Variants in WDR88 observed in about 807,000 individuals in gnomAD.
WDR88 encodes WD repeat-containing protein 88.
WDR88 carries 40 observed loss-of-function variants against 46.8 expected under a neutral mutation model. That is an observed-to-expected ratio of 0.86 (90% CI 0.66 to 1.11). WDR88 has a LOEUF of 1.11. Ranked by LOEUF, WDR88 falls within the 50% of genes most tolerant of loss-of-function variation. The pLI, the probability that WDR88 is intolerant of heterozygous loss-of-function variation, is 0.00. For missense variants in WDR88, 562 were observed against 602.4 expected, an observed-to-expected ratio of 0.93 and a Z score of 0.70; for synonymous variants, 235 against 240.7, an observed-to-expected ratio of 0.98 and a Z score of 0.22.
intron 6 of WDR88, 108 bp from the exon 7 acceptor site, chr19:33,156,247 G>A (rs1047671166): frequency 2.5e-6 from 3 of 1,179,942 alleles, no homozygotes; most frequent in Admixed American, 2.2e-5. Flanking sequence ...GCTAGCATGT[G>A]CAGCCCGACC....
At chr19:33,133,806 C>T (rs1157520033) in intron 1 of WDR88, among the ~76,000 whole-genome samples, 4 of 152,200 alleles carry the variant, frequency 2.6e-5, no homozygotes, top group Non-Finnish European at 5.9e-5. Context: ...TTCCCTGCCC[C>T]CACGGTATTG....
At chr19:33,155,364 A>G (rs1291304880) in intron 6 of WDR88, among the ~76,000 whole-genome samples, 3 of 152,124 alleles carry the variant, frequency 2.0e-5, no homozygotes, top group African/African-American at 4.8e-5. Flanking sequence ...TGGTGTCAAA[A>G]TCCTGGGCTC....
Position 33,175,512 on chromosome 19 carries a change from GTCA to G in WDR88, c.1371_1373del (p.Ser458del), listed in dbSNP as rs749556824. ...GGGGCTTGCCAGCAGATACTTCATC[GTCA>G]TCATCATCATCGGAAAGGGAGAACT... On this transcript the variant is annotated inframe_deletion, in exon 11 of 11. Coordinates refer to ENST00000355868, the MANE Select transcript of WDR88 (RefSeq NM_173479.4). 6 of 1,613,940 alleles carry G rather than the reference GTCA, an allele frequency of 3.7e-6. No individual in the cohort carries two copies. Among genetic ancestry groups the G allele is most frequent in the African/African-American group, 2.7e-5 (2 of 74,904 alleles).
intron 10 of WDR88, chr19:33,174,225 G>C: frequency 6.5e-7 from 1 of 1,536,500 alleles, no homozygotes. Flanking sequence ...GGATGAGCCT[G>C]CTGCATTTGA....
In WDR88 at chr19:33,175,547, C is replaced by T; in HGVS notation, c.1394C>T (p.Pro465Leu). Reference protein sequence around the residue: ...SSSSERENSPPPRGSKDD With the variant: ...SSSSERENSPLPRGSKDD Reference sequence around the variant, plus strand: ...TCATCGGAAAGGGAGAACTCACCGCCGCCAAGGGGAAGCAAGGATGACTGA... The same window carrying T: ...TCATCGGAAAGGGAGAACTCACCGCTGCCAAGGGGAAGCAAGGATGACTGA... Residue 465 changes from proline to leucine, a missense_variant, in exon 11 of 11, where the codon CCG (proline) becomes CTG (leucine). Transcript: ENST00000355868. 1.2e-6 allele frequency: 2 copies of T among 1,614,206 alleles called. No individual in the cohort carries two copies. The highest frequency in any genetic ancestry group is 2.2e-5 in the South Asian group (2 of 91,092).
At chr19:33,160,088 G>A (rs983063140) in intron 7 of WDR88, among the ~76,000 whole-genome samples, 5 of 152,156 alleles carry the variant, frequency 3.3e-5, no homozygotes, top group African/African-American at 9.7e-5. Context: ...TAATACGAGC[G>A]ATGGGGAGTG....
chr19:33,151,983 G>A (rs1973643463), intron 6 of WDR88, among the ~76,000 whole-genome samples: 1 of 152,078 alleles, frequency 6.6e-6, no homozygotes, highest in Admixed American at 6.6e-5. Context: ...TGTAATCCCA[G>A]CACTTTGGGA....
chr19:33,148,688 C>T (rs1434074509), intron 4 of WDR88, 84 bp from the exon 5 acceptor site: 6 of 1,550,478 alleles, frequency 3.9e-6, no homozygotes, highest in Non-Finnish European at 4.4e-6. Context: ...ATCCTCCAGC[C>T]TTGGCCTCCC....
At chr19:33,173,809 G>A (rs1402847231) in intron 10 of WDR88, among the ~76,000 whole-genome samples, 1 of 152,206 alleles carries the variant, frequency 6.6e-6, no homozygotes, top group African/African-American at 2.4e-5. Context: ...GTGGGATGTA[G>A]GAATGTAGGA....
chr19:33,145,849 A>C (rs1599888477), intron 3 of WDR88, among the ~76,000 whole-genome samples: 1 of 152,216 alleles, frequency 6.6e-6, no homozygotes, highest in South Asian at 2.1e-4. Context: ...TTTATCTTAT[A>C]TAGAGGACAA....
chr19:33,171,432 T>A (rs2145425522), intron 9 of WDR88, among the ~76,000 whole-genome samples: 1 of 152,352 alleles, frequency 6.6e-6, no homozygotes, highest in South Asian at 2.1e-4. Flanking sequence ...ACACATCTGT[T>A]ACAAAAATGA....
chr19:33,151,685 G>C (rs1973636789), intron 6 of WDR88, among the ~76,000 whole-genome samples: 1 of 152,122 alleles, frequency 6.6e-6, no homozygotes. Flanking sequence ...TTCAACACCA[G>C]CCTGGGCAAT....
intron 3 of WDR88, among the ~76,000 whole-genome samples, chr19:33,147,071 A>AG (rs1352588247): frequency 4.0e-5 from 6 of 150,264 alleles, no homozygotes; most frequent in East Asian, 3.9e-4. Context: ...AAAAAAAAAA[A>AG]AGAGAGAGAG....
In WDR88 at chr19:33,174,278, TC is replaced by T. The variant is rs201554832; in HGVS notation, c.1243-1114del. On this transcript the variant is annotated intron_variant, in intron 10 of 10. Transcript: ENST00000355868. Reference sequence around the variant, plus strand: ...AACATGAGAAGCCTGAGGCCAGGCTTCCCCGAGGCCTGCCCCAGGTAGGGTT... The same window carrying T: ...AACATGAGAAGCCTGAGGCCAGGCTTCCCGAGGCCTGCCCCAGGTAGGGTT... 1.7e-3 allele frequency: 2,616 copies of T among 1,534,086 alleles called. 45 individuals carry two copies. In the African/African-American group the frequency reaches 0.03, roughly 18 times the overall value.
chr19:33,170,984 ATTAT>A lies in WDR88; in HGVS notation c.1150-1362_1150-1359del, dbSNP rs772912683. On this transcript the variant is annotated intron_variant, in intron 9 of 10. Transcript: ENST00000355868. The stretch of plus-strand genomic sequence containing the variant: ...CACCACACCCAGCTAAATAAAAAAT[ATTAT>A]TATTATTATTTTTTTGAGACAGAGT... 2.6e-4 allele frequency among the ~76,000 whole-genome samples: 39 copies of A among 152,088 alleles called. No individual in the cohort carries two copies. The East Asian group carries it at 7.3e-3, about 29-fold the overall frequency.
intron 2 of WDR88, among the ~76,000 whole-genome samples, chr19:33,141,439 G>T (rs1019457390): frequency 1.3e-5 from 2 of 151,820 alleles, no homozygotes; most frequent in South Asian, 4.2e-4. Flanking sequence ...TGTGTTGCCC[G>T]GGCTGGTCTT....
intron 2 of WDR88, among the ~76,000 whole-genome samples, chr19:33,143,206 A>G (rs1599885142): frequency 6.6e-6 from 1 of 151,414 alleles, no homozygotes; most frequent in East Asian, 1.9e-4. Flanking sequence ...ATGGTTGTGC[A>G]CTTCTGTAGT....
At chr19:33,163,794 G>A (rs534481674) in intron 8 of WDR88, among the ~76,000 whole-genome samples, 31 of 151,776 alleles carry the variant, frequency 2.0e-4, no homozygotes, top group Non-Finnish European at 3.7e-4. Context: ...CACCATGCTC[G>A]GCTAATATTT....
At chr19:33,164,374 G>T (rs772938032) in intron 9 of WDR88, 109 bp downstream of exon 9, 35 of 975,846 alleles carry the variant, frequency 3.6e-5, no homozygotes, top group Non-Finnish European at 5.6e-5. Flanking sequence ...AGCTGTACCT[G>T]ACCGGGCCAT....
Sources: allele counts gnomAD v4.1 joint callset (sites outside exome capture counted in the v4.1 genomes callset), GRCh38; gene constraint gnomAD v4.1.1; transcripts MANE v1.5; gene names NCBI Gene and HGNC (gene_info 2026-07-23, HGNC 2026-07-21).